Variants in PPFIA2 observed in about 807,000 individuals in gnomAD.
The protein encoded by PPFIA2 is PPFI scaffold protein A2.
PPFIA2 carries 46 observed loss-of-function variants against 175.5 expected under a neutral mutation model. That is an observed-to-expected ratio of 0.26 (90% CI 0.21 to 0.34). The LOEUF is 0.34. Ranked by LOEUF, PPFIA2 falls within the 10% of genes least tolerant of loss-of-function variation. The probability of loss-of-function intolerance (pLI) is 1.00; values close to 1 mark genes in which losing one functional copy is unlikely to be tolerated. For missense variants in PPFIA2, 1,179 were observed against 1,506.1 expected (o/e 0.78, Z 3.60); for synonymous variants, 568 against 511.4 (o/e 1.11, Z -1.49).
intron 4 of PPFIA2, among the ~76,000 whole-genome samples, chr12:81,506,886 T>C (rs2061233226): frequency 6.6e-6 from 1 of 152,176 alleles, no homozygotes; most frequent in Non-Finnish European, 1.5e-5. Context: ...AAAACTTTAT[T>C]TACAAAAACA....
At chr12:81,356,630 T>A (rs936227611) in intron 16 of PPFIA2, among the ~76,000 whole-genome samples, 1 of 152,004 alleles carries the variant, frequency 6.6e-6, no homozygotes, top group African/African-American at 2.4e-5. Context: ...GCCACTGCAC[T>A]CCAGCCTGGG....
intron 15 of PPFIA2, among the ~76,000 whole-genome samples, chr12:81,359,151 G>A (rs1456970039): frequency 2.0e-5 from 3 of 152,006 alleles, no homozygotes; most frequent in Non-Finnish European, 2.9e-5. Flanking sequence ...ACTTAAAGCT[G>A]TTAGTTCTAT....
rs1324237570 is a variant in PPFIA2 at position 81,361,989 on chromosome 12, CTATCTATG to C, written c.1637+696_1637+703del. 6.8e-4 allele frequency among the ~76,000 whole-genome samples: 96 copies of C among 141,472 alleles called. 2 individuals carry two copies. The highest frequency in any genetic ancestry group is 9.3e-4 in the South Asian group (4 of 4,306). The allele number at this position is 141,472 out of a possible 152,430, so 92.8% of individuals were successfully genotyped here. The stretch of plus-strand genomic sequence containing the variant: ...TTAACATATAGATCTATCTATGTAT[CTATCTATG>C]TATCTATGTATCTATCTATCTATCT... On this transcript the variant is annotated intron_variant, in intron 15 of 32. Transcript: ENST00000549396.
chr12:81,677,220 T>A (rs1330118637), intron 3 of PPFIA2, among the ~76,000 whole-genome samples: 4 of 151,768 alleles, frequency 2.6e-5, no homozygotes, highest in Admixed American at 1.3e-4. Flanking sequence ...AATTTTTTTT[T>A]ATTTTTTATG....
chr12:81,533,307 C>T (rs1341880138), intron 4 of PPFIA2, among the ~76,000 whole-genome samples: 2 of 151,716 alleles, frequency 1.3e-5, no homozygotes, highest in Non-Finnish European at 3.0e-5. Context: ...AAGGTACTCA[C>T]ATTCTCCAAA....
chr12:81,586,520 T>C (rs1379234091), intron 4 of PPFIA2, among the ~76,000 whole-genome samples: 3 of 151,864 alleles, frequency 2.0e-5, no homozygotes, highest in African/African-American at 7.2e-5. Flanking sequence ...AAATTGGTAA[T>C]TTTAATATAC....
At chr12:81,591,542 G>A (rs987662992) in intron 4 of PPFIA2, among the ~76,000 whole-genome samples, 1 of 152,166 alleles carries the variant, frequency 6.6e-6, no homozygotes, top group Admixed American at 6.5e-5. Flanking sequence ...AGGAAAAAGT[G>A]TTTTCATGGG....
At chr12:81,462,633 CA>C (rs1206289830) in intron 4 of PPFIA2, among the ~76,000 whole-genome samples, 1 of 136,604 alleles carries the variant, frequency 7.3e-6, no homozygotes, top group African/African-American at 2.6e-5. Context: ...TGGAAACTGC[CA>C]AATTCAACAA....
chr12:81,334,941 T>C (rs536345938), intron 21 of PPFIA2, among the ~76,000 whole-genome samples: 150 of 152,316 alleles, frequency 9.8e-4, no homozygotes, highest in Non-Finnish European at 1.7e-3. Flanking sequence ...ATAAATATAA[T>C]TGTGTGTTAC....
intron 24 of PPFIA2, among the ~76,000 whole-genome samples, chr12:81,284,949 T>C (rs1447819630): frequency 6.6e-6 from 1 of 152,186 alleles, no homozygotes; most frequent in Non-Finnish European, 1.5e-5. Flanking sequence ...ATGTATTTTT[T>C]AGCCACACTA....
intron 3 of PPFIA2, among the ~76,000 whole-genome samples, chr12:81,698,006 T>G (rs1019978620): frequency 1.3e-5 from 2 of 152,112 alleles, no homozygotes; most frequent in African/African-American, 4.8e-5. Flanking sequence ...AGCAATATTT[T>G]TAAAGAAGCC....
chr12:81,626,174 A>G (rs1374575557), intron 4 of PPFIA2, among the ~76,000 whole-genome samples: 1 of 151,828 alleles, frequency 6.6e-6, no homozygotes, highest in Non-Finnish European at 1.5e-5. Context: ...TTCCTAATTA[A>G]AGGAACATCA....
chr12:81,758,998 C>A (rs1009137610), intron 1 of PPFIA2, among the ~76,000 whole-genome samples: 1 of 152,108 alleles, frequency 6.6e-6, no homozygotes, highest in Admixed American at 6.5e-5. Flanking sequence ...TTAAGGCTAA[C>A]CCTGGGAGTT....
chr12:81,584,296 G>A (rs563667058), intron 4 of PPFIA2, among the ~76,000 whole-genome samples: 4 of 151,870 alleles, frequency 2.6e-5, no homozygotes, highest in East Asian at 1.9e-4. Context: ...TATAATGCTC[G>A]AAATACAGTT....
At chr12:81,412,863 TTTATCTTTC>T (rs2044243060) in intron 7 of PPFIA2, among the ~76,000 whole-genome samples, 1 of 151,926 alleles carries the variant, frequency 6.6e-6, no homozygotes, top group Admixed American at 6.6e-5. Flanking sequence ...CCTCTTCAAT[TTTATCTTTC>T]TATTCATATT....
chr12:81,418,555 T>G (rs2045719521), intron 7 of PPFIA2, among the ~76,000 whole-genome samples: 1 of 152,008 alleles, frequency 6.6e-6, no homozygotes, highest in Non-Finnish European at 1.5e-5. Context: ...ACTCATTTGT[T>G]TACACATTGT....
chr12:81,645,837 T>C (rs10862335), intron 4 of PPFIA2, among the ~76,000 whole-genome samples: 9,287 of 152,310 alleles, frequency 0.061, 416 homozygotes, highest in East Asian at 0.23. Context: ...AAGGGAAGTC[T>C]GCACCTGCTT....
chr12:81,359,607 CT>C, intron 15 of PPFIA2, among the ~76,000 whole-genome samples: 1 of 151,864 alleles, frequency 6.6e-6, no homozygotes, highest in Non-Finnish European at 1.5e-5. Context: ...TCATAAATAT[CT>C]GGCAAGATGA....
intron 4 of PPFIA2, among the ~76,000 whole-genome samples, chr12:81,548,506 T>C (rs114591180): frequency 2.7e-4 from 41 of 152,242 alleles, no homozygotes; most frequent in African/African-American, 9.6e-4. Flanking sequence ...TTCCTTTATA[T>C]GTTTTTCTAG....
Sources: allele counts gnomAD v4.1 joint callset (sites outside exome capture counted in the v4.1 genomes callset), GRCh38; gene constraint gnomAD v4.1.1; transcripts MANE v1.5; gene names NCBI Gene and HGNC (gene_info 2026-07-23, HGNC 2026-07-21).